CAMTA1: variants seen among roughly 807,000 people sequenced by gnomAD.
The protein encoded by CAMTA1 is calmodulin-binding transcription activator 1.
A neutral mutation model predicts 170.9 loss-of-function variants in CAMTA1; 27 were observed. That is an observed-to-expected ratio of 0.16 (90% confidence interval 0.12 to 0.22). CAMTA1 has a LOEUF of 0.22. Ranked by LOEUF, CAMTA1 falls within the 10% of genes least tolerant of loss-of-function variation. CAMTA1 has a pLI of 1.00. For missense variants in CAMTA1, 1,619 were observed against 2,217.2 expected (o/e 0.73, Z 5.42); for synonymous variants, 833 against 891.5 (o/e 0.93, Z 1.17).
intron 9 of CAMTA1, among the ~76,000 whole-genome samples, chr1:7,668,038 T>C (rs905481273): frequency 2.6e-5 from 4 of 152,182 alleles, no homozygotes; most frequent in African/African-American, 4.8e-5. Context: ...ACCTTCTCTC[T>C]TGACACTTCT....
intron 3 of CAMTA1, among the ~76,000 whole-genome samples, chr1:6,845,698 C>G (rs1657813976): frequency 6.6e-6 from 1 of 152,198 alleles, no homozygotes; most frequent in Admixed American, 6.5e-5. Context: ...CAGGTTGTAT[C>G]TATGTTACTC....
In CAMTA1 at chr1:6,970,450, G is replaced by T. The variant is rs568939032; in HGVS notation, c.235-120854G>T. Among the ~76,000 whole-genome samples the T allele has an allele frequency of 6.6e-6, 1 of 152,238 alleles. No homozygotes were observed. Among genetic ancestry groups the T allele is most frequent in the East Asian group, 1.9e-4 (1 of 5,166 alleles). Reference sequence around the variant, plus strand: ...GCAGAAGGAGTGGAGGCCGGTCCCAGACCAGCATCGGTGAGGAGGTAATGG... The same window carrying T: ...GCAGAAGGAGTGGAGGCCGGTCCCATACCAGCATCGGTGAGGAGGTAATGG... On this transcript the variant is annotated intron_variant, in intron 3 of 22. Transcript: ENST00000303635. The surrounding 1 kb of genome is among the most constrained non-coding windows in gnomAD (Gnocchi z 4.4).
At chr1:7,639,421 T>C (rs1209537398) in intron 6 of CAMTA1, among the ~76,000 whole-genome samples, 2 of 152,128 alleles carry the variant, frequency 1.3e-5, no homozygotes, top group African/African-American at 4.8e-5. Context: ...AGAAGAGCTC[T>C]TCCAGGGAGG....
At chr1:6,795,780 A>G (rs1642342873) in intron 1 of CAMTA1, among the ~76,000 whole-genome samples, 2 of 152,134 alleles carry the variant, frequency 1.3e-5, no homozygotes, top group Admixed American at 1.3e-4. Context: ...CAGCATTTTC[A>G]TTCATGAATC....
chr1:7,258,079 G>A (rs1198714149), intron 5 of CAMTA1, among the ~76,000 whole-genome samples: 4 of 152,142 alleles, frequency 2.6e-5, no homozygotes, highest in African/African-American at 9.7e-5. Flanking sequence ...ATACCAAAAC[G>A]TGAGGACTTC....
chr1:6,796,476 A>T (rs761902656), intron 1 of CAMTA1, among the ~76,000 whole-genome samples: 2 of 152,142 alleles, frequency 1.3e-5, no homozygotes, highest in African/African-American at 2.4e-5. Flanking sequence ...AAGTTGGAAG[A>T]TTATATAATG....
At chr1:7,518,237 G>A (rs1250861325) in intron 6 of CAMTA1, among the ~76,000 whole-genome samples, 1 of 151,982 alleles carries the variant, frequency 6.6e-6, no homozygotes, top group Non-Finnish European at 1.5e-5. Flanking sequence ...AAACGAAGCT[G>A]GCAGTTGGAT....
intron 6 of CAMTA1, among the ~76,000 whole-genome samples, chr1:7,579,548 T>TTTC (rs1553209772): frequency 3.7e-5 from 5 of 134,740 alleles, no homozygotes; most frequent in African/African-American, 1.7e-4. Flanking sequence ...TTTTCTTTTC[T>TTTC]TTTCTTTTTT....
chr1:7,421,136 A>G (rs2149314090), intron 5 of CAMTA1, among the ~76,000 whole-genome samples: 1 of 151,148 alleles, frequency 6.6e-6, no homozygotes, highest in African/African-American at 2.4e-5. Flanking sequence ...TATTGGTTGA[A>G]TTTCTTTTTT....
chr1:7,667,043 T>A (rs1333822824), intron 9 of CAMTA1, among the ~76,000 whole-genome samples: 1 of 152,096 alleles, frequency 6.6e-6, no homozygotes, highest in Admixed American at 6.6e-5. Flanking sequence ...CACACCCTGC[T>A]GCATCCAGCT....
At chr1:7,542,777 G>T (rs150061368) in intron 6 of CAMTA1, among the ~76,000 whole-genome samples, 4 of 151,698 alleles carry the variant, frequency 2.6e-5, no homozygotes, top group African/African-American at 4.8e-5. Context: ...GAATCTGCCC[G>T]CCTTGACCCC....
intron 3 of CAMTA1, among the ~76,000 whole-genome samples, chr1:7,052,695 G>A (rs868133927): frequency 6.6e-6 from 1 of 152,130 alleles, no homozygotes. Flanking sequence ...CACCCGCCCA[G>A]TACCTGGTTC....
rs758220742 is a variant in CAMTA1 at position 7,663,762 on chromosome 1, C to T, written c.1215C>T (p.Thr405=). Residue 405 remains threonine, a synonymous_variant, in exon 9 of 23, where the codon ACC becomes ACT. Transcript: ENST00000303635. ...CCACGGTGTTCATGTCAGAGGTCAC[C>T]AATGAGGCCGTGTACACCATGTCCC... ...QSATVFMSEV[T]NEAVYTMSPT... is the part of the protein sequence containing the mutation. 7 of 1,614,064 alleles carry T rather than the reference C, an allele frequency of 4.3e-6. No individual in the cohort carries two copies. Among genetic ancestry groups the T allele is most frequent in the Middle Eastern group, 1.6e-4 (1 of 6,062 alleles).
chr1:7,187,785 A>G (rs921296729), intron 4 of CAMTA1, among the ~76,000 whole-genome samples: 3 of 152,004 alleles, frequency 2.0e-5, no homozygotes, highest in Admixed American at 6.6e-5. Context: ...TTAGAGTGGG[A>G]CCTGGCTTGA....
At chr1:7,451,235 G>T (rs1479246155) in intron 5 of CAMTA1, among the ~76,000 whole-genome samples, 1 of 152,162 alleles carries the variant, frequency 6.6e-6, no homozygotes, top group Admixed American at 6.5e-5. Context: ...CTTCTTGCTG[G>T]GGAGCTGCTC....
intron 11 of CAMTA1, among the ~76,000 whole-genome samples, chr1:7,708,439 A>C (rs1457964097): frequency 1.3e-5 from 2 of 152,160 alleles, no homozygotes; most frequent in Non-Finnish European, 2.9e-5. Flanking sequence ...TCAAGGCTGC[A>C]GTGAGCCATG....
intron 6 of CAMTA1, among the ~76,000 whole-genome samples, chr1:7,504,881 G>C (rs569752203): frequency 4.6e-5 from 7 of 152,322 alleles, no homozygotes; most frequent in Middle Eastern, 3.4e-3. Context: ...TCACTGGGCA[G>C]AATCACTGGG....
At position 7,247,566 on chromosome 1, in the gene CAMTA1, G is replaced by A. The variant is rs189894323; in HGVS notation, c.303-1925G>A. Among the ~76,000 whole-genome samples the A allele has an allele frequency of 5.1e-4, 78 of 152,270 alleles. 1 individual carries two copies. Among genetic ancestry groups the A allele is most frequent in the Middle Eastern group, 3.4e-3 (1 of 294 alleles). ...AAAACCCATCCACAGAAGAAGACCC[G>A]GCATTGCCACACTCTCATGAGTGTC... is the stretch of plus-strand genomic sequence containing the variant. On this transcript the variant is annotated intron_variant, in intron 4 of 22. Transcript: ENST00000303635.
At chr1:7,393,246 T>C (rs2088927058) in intron 5 of CAMTA1, among the ~76,000 whole-genome samples, 1 of 152,028 alleles carries the variant, frequency 6.6e-6, no homozygotes, top group Admixed American at 6.6e-5. Flanking sequence ...TCCAAATTTC[T>C]GTGGTCTGTT....
Sources: allele counts gnomAD v4.1 joint callset (sites outside exome capture counted in the v4.1 genomes callset), GRCh38; gene constraint gnomAD v4.1.1; non-coding constraint Gnocchi (gnomAD v3.1); transcripts MANE v1.5; gene names NCBI Gene and HGNC (gene_info 2026-07-23, HGNC 2026-07-21).